The following DOCK3 variants were observed in gnomAD, a reference collection of about 807,000 sequenced individuals.
DOCK3 encodes dedicator of cytokinesis 3, also known as dedicator of cytokinesis protein 3.
In DOCK3, 60 loss-of-function variants were observed where a neutral mutation model predicts 265.6. The observed-to-expected ratio is 0.23, with a 90% CI of 0.18 to 0.28. DOCK3 has a LOEUF of 0.28. Among genes scored for constraint, DOCK3 ranks in the 10% least tolerant of loss-of-function variants. The pLI, the probability that DOCK3 is intolerant of heterozygous loss-of-function variation, is 1.00. For synonymous variants in DOCK3, 881 were observed against 938.0 expected (o/e 0.94, Z 1.11); for missense variants, 1,981 against 2,594.3 (o/e 0.76, Z 5.14).
chr3:51,333,315 T>C, intron 35 of DOCK3, 62 bp downstream of exon 35: 1 of 1,530,926 alleles, frequency 6.5e-7, no homozygotes, highest in Admixed American at 1.7e-5. Flanking sequence ...GGCAAGGGAA[T>C]CCCCCTGACC....
chr3:51,221,230 C>A (rs2090082630), intron 14 of DOCK3, among the ~76,000 whole-genome samples: 1 of 152,246 alleles, frequency 6.6e-6, no homozygotes, highest in East Asian at 1.9e-4. Context: ...AATAACATAG[C>A]CCCAGGTTCA....
chr3:50,802,582 A>G (rs2108683123), intron 2 of DOCK3, among the ~76,000 whole-genome samples: 2 of 152,168 alleles, frequency 1.3e-5, no homozygotes, highest in Middle Eastern at 6.8e-3. Flanking sequence ...TTCTTTCAGT[A>G]CTTTGAATAT....
intron 9 of DOCK3, among the ~76,000 whole-genome samples, chr3:51,115,422 G>T (rs1265950822): frequency 6.6e-6 from 1 of 152,096 alleles, no homozygotes; most frequent in Non-Finnish European, 1.5e-5. Flanking sequence ...TCATATGCTT[G>T]TTGACTGCAT....
At chr3:50,890,275 G>A (rs1296123859) in intron 4 of DOCK3, among the ~76,000 whole-genome samples, 194 bp downstream of exon 4, 2 of 151,934 alleles carry the variant, frequency 1.3e-5, no homozygotes, top group East Asian at 1.9e-4. Flanking sequence ...TCTTGTATAC[G>A]GAAGAAATGA....
intron 21 of DOCK3, among the ~76,000 whole-genome samples, chr3:51,245,099 C>T (rs150729026): frequency 1.6e-3 from 248 of 152,122 alleles, no homozygotes; most frequent in African/African-American, 5.5e-3. Context: ...GAGGCTGAGG[C>T]GGGTGGATCA....
intron 1 of DOCK3, chr3:50,685,471 A>G (rs898564859): frequency 2.0e-5 from 3 of 152,662 alleles, no homozygotes; most frequent in African/African-American, 7.2e-5. Flanking sequence ...TATTAATACA[A>G]AAAAGTGATT....
chr3:50,833,611 A>T (rs2045325357), intron 2 of DOCK3, among the ~76,000 whole-genome samples: 4 of 152,120 alleles, frequency 2.6e-5, no homozygotes, highest in Admixed American at 2.6e-4. Context: ...CCTTTCAGGA[A>T]TTGACATTCT....
intron 5 of DOCK3, among the ~76,000 whole-genome samples, chr3:51,027,330 AT>A (rs200483429): frequency 6.1e-5 from 9 of 147,802 alleles, no homozygotes; most frequent in Admixed American, 3.4e-4. Context: ...TATGCCTTTG[AT>A]TTTTTTTTTC....
At chr3:50,805,407 T>A (rs146831614) in intron 2 of DOCK3, among the ~76,000 whole-genome samples, 47 of 152,260 alleles carry the variant, frequency 3.1e-4, no homozygotes, top group Non-Finnish European at 5.9e-4. Context: ...TGGGGTATGG[T>A]CAGCTGGGGT....
chr3:50,884,151 C>A (rs116238077), intron 3 of DOCK3, among the ~76,000 whole-genome samples: 2 of 150,762 alleles, frequency 1.3e-5, no homozygotes, highest in Non-Finnish European at 2.9e-5. Context: ...AGTGCAGTGG[C>A]GCCATCTCGC....
At chr3:50,723,257 G>C (rs901279064) in intron 1 of DOCK3, among the ~76,000 whole-genome samples, 3 of 152,146 alleles carry the variant, frequency 2.0e-5, no homozygotes, top group African/African-American at 7.2e-5. Flanking sequence ...AAAGAAAGCT[G>C]GTTGACAGTA....
intron 4 of DOCK3, among the ~76,000 whole-genome samples, chr3:50,925,991 C>T (rs2050736875): frequency 6.6e-6 from 1 of 151,884 alleles, no homozygotes; most frequent in Non-Finnish European, 1.5e-5. Context: ...CACCACCAAG[C>T]CTGGCTAACT....
chr3:51,228,543 A>C lies in DOCK3; in HGVS notation c.1648-118A>C, dbSNP rs957867821. The C allele has an allele frequency of 2.0e-5, 23 of 1,126,054 alleles. No homozygotes were observed. In the African/African-American group the frequency reaches 2.7e-4, roughly 13 times the overall value. 69.8% of individuals were successfully genotyped at this position (1,126,054 alleles called of 1,614,324 possible). On this transcript the variant is annotated intron_variant, in intron 17 of 52. Coordinates refer to ENST00000266037, the MANE Select transcript of DOCK3 (RefSeq NM_004947.5). Reference sequence around the variant, plus strand: ...GAAAGTACTCTTCCAAGAGGACCTGAGGCCCAACGTTCAGCCTTAGGAAGA... The same window carrying C: ...GAAAGTACTCTTCCAAGAGGACCTGCGGCCCAACGTTCAGCCTTAGGAAGA...
intron 3 of DOCK3, among the ~76,000 whole-genome samples, chr3:50,858,104 A>G (rs1326431217): frequency 1.3e-5 from 2 of 152,238 alleles, no homozygotes; most frequent in Non-Finnish European, 2.9e-5. Flanking sequence ...AGCCATAAAA[A>G]AGGATGGGTT....
At chr3:51,344,898 G>A (rs566544054) in intron 38 of DOCK3, among the ~76,000 whole-genome samples, 2 of 152,314 alleles carry the variant, frequency 1.3e-5, no homozygotes, top group South Asian at 4.1e-4. Context: ...AATTGTGGTG[G>A]AGAGGGGTGC....
chr3:50,766,877 TGAA>T (rs1409633670), intron 1 of DOCK3, among the ~76,000 whole-genome samples: 3 of 152,226 alleles, frequency 2.0e-5, no homozygotes, highest in African/African-American at 4.8e-5. Flanking sequence ...TGACCAGTGA[TGAA>T]GAGCATTTTT....
intron 9 of DOCK3, among the ~76,000 whole-genome samples, chr3:51,097,292 T>C (rs940742010): frequency 3.3e-5 from 5 of 152,178 alleles, no homozygotes; most frequent in Non-Finnish European, 7.4e-5. Context: ...GTTTCTTTCA[T>C]AGATGCCCTT....
chr3:51,095,874 A>AAAAAG lies in DOCK3; in HGVS notation c.746+5492_746+5493insAAGAA, dbSNP rs2082831178. Among the ~76,000 whole-genome samples the AAAAAG allele has an allele frequency of 3.5e-5, 5 of 141,736 alleles. 1 individual carries two copies. The highest frequency in any genetic ancestry group is 7.2e-5 in the Admixed American group (1 of 13,806). 93.0% of individuals were successfully genotyped at this position (141,736 alleles called of 152,430 possible). A position where few individuals can be genotyped will look rare whatever the true frequency, so the allele number is the denominator to read the frequency against. On this transcript the variant is annotated intron_variant, in intron 9 of 52. Coordinates refer to ENST00000266037, the MANE Select transcript of DOCK3 (RefSeq NM_004947.5). Reference sequence around the variant, plus strand: ...AGCAAAAAAAAAAAAAAAAAAAAAAAAAGAATGTTGACTATTGGCCCCCAT... The same window carrying AAAAAG: ...AGCAAAAAAAAAAAAAAAAAAAAAAAAAAAGAAGAATGTTGACTATTGGCCCCCAT...
At chr3:51,252,222 T>C (rs1270838700) in intron 22 of DOCK3, among the ~76,000 whole-genome samples, 4 of 152,232 alleles carry the variant, frequency 2.6e-5, no homozygotes, top group African/African-American at 9.6e-5. Context: ...TTGGTCTGTA[T>C]CTCTGTTTTG....
Sources: gnomAD v4.1 joint callset for allele counts (sites outside exome capture counted in the v4.1 genomes callset) on GRCh38, gnomAD v4.1.1 for gene constraint, MANE v1.5 for transcripts, NCBI Gene and HGNC (gene_info 2026-07-23, HGNC 2026-07-21) for gene names.